The following FRMPD4 variants were observed in gnomAD, a reference collection of about 807,000 sequenced individuals.
FRMPD4 encodes the protein FERM and PDZ domain containing 4.
In FRMPD4, 22 loss-of-function variants were observed where a neutral mutation model predicts 94.1. The ratio of observed to expected loss-of-function variants is 0.23; its 90% CI spans 0.17 to 0.33. The LOEUF (loss-of-function observed/expected upper bound fraction) is 0.33, where lower values mean the gene tolerates loss of function less well. FRMPD4 is among the 10% of genes least tolerant of loss of function. The pLI is 1.00. For missense variants in FRMPD4, 1,111 were observed against 1,339.9 expected (o/e 0.83, Z 2.67); for synonymous variants, 631 against 548.6 (o/e 1.15, Z -2.10).
chrX:12,025,771 CT>C (rs1287861179), intron 3 of FRMPD4, among the ~76,000 whole-genome samples: 1 of 111,518 alleles, frequency 9.0e-6, no homozygotes, highest in Non-Finnish European at 1.9e-5. Flanking sequence ...GGACTGGACT[CT>C]GCCAATGACT....
chrX:12,424,210 T>A (rs1474741705), intron 1 of FRMPD4, among the ~76,000 whole-genome samples: 1 of 112,228 alleles, frequency 8.9e-6, no homozygotes, highest in African/African-American at 3.2e-5. Context: ...TCATTTCTTT[T>A]CAGATTGATT....
intron 2 of FRMPD4, among the ~76,000 whole-genome samples, chrX:12,520,103 C>T (rs1348416524): frequency 1.8e-5 from 2 of 112,208 alleles, no homozygotes; most frequent in African/African-American, 6.5e-5. Context: ...TACTTTTGTT[C>T]ATAGGAGTGT....
chrX:12,175,515 G>A (rs186078953), intron 1 of FRMPD4, among the ~76,000 whole-genome samples: 37 of 111,835 alleles, frequency 3.3e-4, no homozygotes, highest in African/African-American at 1.2e-3. Context: ...AATTCAGTAC[G>A]TATTTTTGTT....
chrX:12,622,001 A>AG (rs1476688252), intron 4 of FRMPD4, among the ~76,000 whole-genome samples: 1 of 48,558 alleles, frequency 2.1e-5, no homozygotes, highest in African/African-American at 1.1e-4. Flanking sequence ...AAAGAAAGAA[A>AG]GAAAGAAAGA....
At chrX:11,983,868 T>TA (rs1291996912) in intron 3 of FRMPD4, among the ~76,000 whole-genome samples, 1 of 112,024 alleles carries the variant, frequency 8.9e-6, no homozygotes, top group Admixed American at 9.5e-5. Flanking sequence ...GCACCTATAC[T>TA]AAAAAAAAGT....
intron 1 of FRMPD4, among the ~76,000 whole-genome samples, chrX:12,237,972 A>G (rs1023035084): frequency 2.7e-5 from 3 of 112,022 alleles, no homozygotes; most frequent in Non-Finnish European, 5.6e-5. Context: ...TTATAAATAA[A>G]GTTTTATTGG....
chrX:12,270,075 A>C (rs2054332059), intron 1 of FRMPD4, among the ~76,000 whole-genome samples: 1 of 112,043 alleles, frequency 8.9e-6, no homozygotes, highest in Non-Finnish European at 1.9e-5. Flanking sequence ...TGGATCCTTC[A>C]GAAAGAATTT....
chrX:12,271,484 T>G (rs755953627), intron 1 of FRMPD4, among the ~76,000 whole-genome samples: 1 of 111,987 alleles, frequency 8.9e-6, no homozygotes, highest in African/African-American at 3.2e-5. Context: ...GTCTCACATT[T>G]TCTGCGTAGG....
At chrX:11,885,890 A>C (rs2053842809) in intron 3 of FRMPD4, among the ~76,000 whole-genome samples, 1 of 112,021 alleles carries the variant, frequency 8.9e-6, no homozygotes, top group Non-Finnish European at 1.9e-5. Flanking sequence ...GGTGGTTTCT[A>C]TTCCACTGAC....
At chrX:12,377,923 T>A (rs1161154431) in intron 1 of FRMPD4, among the ~76,000 whole-genome samples, 1 of 112,325 alleles carries the variant, frequency 8.9e-6, no homozygotes, top group South Asian at 3.7e-4. Context: ...TCATTCAAAT[T>A]GAATGTTGGT....
chrX:12,061,058 C>A lies in FRMPD4; in HGVS notation c.95+183040C>A, dbSNP rs1027216690. ...AAAAGACAGATTAACAAGAGAAAGA[C>A]AAGTTTATTAATGTGTTTATCTCAT... On this transcript the variant is annotated intron_variant, in intron 3 of 18. Transcript: ENST00000640291. Among the ~76,000 whole-genome samples the A allele has an allele frequency of 4.5e-5, 5 of 112,091 alleles. 1 individual carries two copies. In the South Asian group the frequency reaches 1.5e-3, roughly 33 times the overall value.
chrX:12,122,149 T>C (rs2055460088), intron 3 of FRMPD4, among the ~76,000 whole-genome samples: 1 of 112,228 alleles, frequency 8.9e-6, no homozygotes, highest in South Asian at 3.7e-4. Context: ...ATATGTACTC[T>C]GGCTCCAGGT....
chrX:12,052,672 C>T (rs899227939), intron 3 of FRMPD4, among the ~76,000 whole-genome samples: 1 of 111,679 alleles, frequency 9.0e-6, no homozygotes, highest in African/African-American at 3.3e-5. Flanking sequence ...CATTCAGTTA[C>T]CATACAGGCA....
chrX:12,472,309 C>T (rs1036075704), intron 1 of FRMPD4, among the ~76,000 whole-genome samples: 1 of 111,943 alleles, frequency 8.9e-6, no homozygotes, highest in African/African-American at 3.2e-5. Context: ...CAAGAGAACC[C>T]AGTATAAAAG....
chrX:12,327,254 T>C (rs770181655), intron 1 of FRMPD4, among the ~76,000 whole-genome samples: 3 of 112,758 alleles, frequency 2.7e-5, no homozygotes, highest in Non-Finnish European at 5.6e-5. Flanking sequence ...AGTAAAATGC[T>C]AGAGATTGGG....
chrX:12,595,398 T>C (rs2059022009), intron 2 of FRMPD4, among the ~76,000 whole-genome samples: 1 of 111,739 alleles, frequency 8.9e-6, no homozygotes, highest in Non-Finnish European at 1.9e-5. Context: ...ACAAGTTAAT[T>C]AGATACCCAT....
At chrX:12,649,001 C>T (rs2059572944) in intron 4 of FRMPD4, among the ~76,000 whole-genome samples, 1 of 112,188 alleles carries the variant, frequency 8.9e-6, no homozygotes. Flanking sequence ...AAATGGCTCC[C>T]GATATTCCCT....
At chrX:12,538,150 G>A (rs942258366) in intron 2 of FRMPD4, among the ~76,000 whole-genome samples, 2 of 111,373 alleles carry the variant, frequency 1.8e-5, no homozygotes, top group Non-Finnish European at 3.8e-5. Context: ...CTTTTCCAAC[G>A]GTCTTAGCAA....
intron 3 of FRMPD4, among the ~76,000 whole-genome samples, chrX:12,061,928 G>A (rs914075053): frequency 9.0e-6 from 1 of 111,565 alleles, no homozygotes; most frequent in Non-Finnish European, 1.9e-5. Flanking sequence ...GGAGACTAAT[G>A]TTCTTATGCT....
Sources: gnomAD v4.1 joint callset for allele counts (sites outside exome capture counted in the v4.1 genomes callset) on GRCh38, gnomAD v4.1.1 for gene constraint, MANE v1.5 for transcripts, NCBI Gene and HGNC (gene_info 2026-07-23, HGNC 2026-07-21) for gene names.